Variants in PRAMEF20 observed in about 807,000 individuals in gnomAD.
PRAMEF20 encodes the protein PRAME family member 20/21.
Under a neutral mutation model 32.4 loss-of-function variants are expected in PRAMEF20, and 27 were observed. The ratio of observed to expected loss-of-function variants is 0.83; its 90% CI spans 0.61 to 1.15. The LOEUF (loss-of-function observed/expected upper bound fraction) is 1.15, where lower values mean the gene tolerates loss of function less well. Among genes scored for constraint, PRAMEF20 ranks in the 50% most tolerant of loss-of-function variants. PRAMEF20 has a pLI of 0.00. For synonymous variants in PRAMEF20, 256 were observed against 235.4 expected, an observed-to-expected ratio of 1.09 and a Z score of -0.80; for missense variants, 604 against 584.5, an observed-to-expected ratio of 1.03 and a Z score of -0.34.
rs1263021872 is a variant in PRAMEF20, at chr1:13,418,410, C to T, written c.576C>T (p.Phe192=). ...AGCTGAAAATGTTGGGAATGCTCTT[C>T]CACAATATCAGAAACATCCTGAAAA... The change falls in exon 2 of 3, where the codon TTC becomes TTT. Residue 192 remains phenylalanine, a synonymous_variant. Transcript: ENST00000602960. 5.6e-6 allele frequency: 9 copies of T among 1,613,890 alleles called. No homozygotes were observed. The Admixed American group carries it at 1.2e-4, about 21-fold the overall frequency.
chr1:13,418,639 C>T (rs1641209930), exon 2 of PRAMEF20: 2 of 1,613,864 alleles, frequency 1.2e-6, no homozygotes, highest in Admixed American at 3.3e-5. Flanking sequence ...GCTGCGCTGC[C>T]TCCAAAAGCT....
the PRAMEF20 span, among the ~76,000 whole-genome samples, chr1:13,410,897 G>A: frequency 6.6e-6 from 1 of 151,704 alleles, no homozygotes; most frequent in African/African-American, 2.4e-5. Context: ...TTGCTCTGTT[G>A]GCCAGGCTGC....
chr1:13,418,507 A>T, exon 2 of PRAMEF20: 1 of 1,613,890 alleles, frequency 6.2e-7, no homozygotes. Flanking sequence ...GGCAGAGTTT[A>T]CCCCATACCT....
chr1:13,420,566 A>G, intron 2 of PRAMEF20, 131 bp from the exon 4 acceptor site: 1 of 1,257,748 alleles, frequency 8.0e-7, no homozygotes, highest in South Asian at 1.3e-5. Flanking sequence ...CTAAGTGTTG[A>G]CTATCAGACA....
upstream of PRAMEF20, among the ~76,000 whole-genome samples, chr1:13,414,796 AAT>A (rs746676135): frequency 1.5e-4 from 22 of 151,022 alleles, no homozygotes; most frequent in Non-Finnish European, 2.8e-4. Flanking sequence ...CATTCTATGT[AAT>A]ATATATATAT....
chr1:13,420,918 A>G, exon 3 of PRAMEF20: 7 of 1,613,490 alleles, frequency 4.3e-6, no homozygotes, highest in Non-Finnish European at 5.9e-6. Context: ...GGCATCGTAG[A>G]CTCCCAAGTC....
chr1:13,419,382 C>T (rs1453240885), intron 2 of PRAMEF20, among the ~76,000 whole-genome samples: 2 of 151,914 alleles, frequency 1.3e-5, no homozygotes, highest in Non-Finnish European at 2.9e-5. Flanking sequence ...TTCCTGACCT[C>T]AGGTGATCCA....
chr1:13,416,579 A>G, exon 1 of PRAMEF20: 1 of 1,614,162 alleles, frequency 6.2e-7, no homozygotes, highest in Non-Finnish European at 8.5e-7. Context: ...GGCCTTGCCC[A>G]GAGACCTTCC....
intron 1 of PRAMEF20, among the ~76,000 whole-genome samples, chr1:13,417,567 C>A (rs1413809758): frequency 8.0e-5 from 12 of 150,608 alleles, no homozygotes; most frequent in Middle Eastern, 6.8e-3. Context: ...TGCGCCACTG[C>A]ACTCCAGCCT....
intron 2 of PRAMEF20, 76 bp downstream of exon 3, chr1:13,418,776 C>A: frequency 6.2e-7 from 1 of 1,605,162 alleles, no homozygotes. Context: ...TACTGTGAGC[C>A]AGCCTATGAG....
upstream of PRAMEF20, among the ~76,000 whole-genome samples, chr1:13,414,343 G>A (rs1333752270): frequency 6.6e-6 from 1 of 151,772 alleles, no homozygotes; most frequent in Non-Finnish European, 1.5e-5. Context: ...ACAGGCGTGA[G>A]CCACCTCACC....
At position 13,418,103 on chromosome 1, in the gene PRAMEF20, CTCT is replaced by C; in HGVS notation, c.288-15_288-13del. On this transcript the variant is annotated splice_polypyrimidine_tract_variant and intron_variant, in intron 1 of 2. Transcript: ENST00000602960. ...AAGTGAGTCCTTAAATTCTCAGCCT[CTCT>C]TCTATTTTTCCTCAGGAGGTGGAAA... 1 of 1,611,908 alleles carries C rather than the reference CTCT, an allele frequency of 6.2e-7. No homozygotes were observed. Among genetic ancestry groups the C allele is most frequent in the Non-Finnish European group, 8.5e-7 (1 of 1,179,846 alleles).
At chr1:13,416,504 G>A in exon 1 of PRAMEF20, 2 of 1,614,032 alleles carry the variant, frequency 1.2e-6, no homozygotes, top group Non-Finnish European at 1.7e-6. Flanking sequence ...GACACTGTGA[G>A]GCCCTGAAGC....
upstream of PRAMEF20, among the ~76,000 whole-genome samples, chr1:13,412,061 A>ATTT (rs1641120082): frequency 6.7e-6 from 1 of 149,928 alleles, no homozygotes; most frequent in African/African-American, 2.4e-5. Flanking sequence ...TAATTTAATT[A>ATTT]ATTTATTTAT....
rs1055814759 is a variant in PRAMEF20, at chr1:13,418,110, A to G, written c.288-12A>G. ...TCCTTAAATTCTCAGCCTCTCTTCT[A>G]TTTTTCCTCAGGAGGTGGAAACTTC... On this transcript the variant is annotated splice_polypyrimidine_tract_variant and intron_variant, in intron 1 of 2. Transcript: ENST00000602960. 443 of 1,611,734 alleles carry G rather than the reference A, an allele frequency of 2.7e-4. 2 individuals are homozygous for G. The highest frequency in any genetic ancestry group is 2.6e-4 in the Non-Finnish European group (305 of 1,179,774).
At chr1:13,413,173 T>A (rs1443534832), upstream of PRAMEF20, among the ~76,000 whole-genome samples, 1 of 151,560 alleles carries the variant, frequency 6.6e-6, no homozygotes, top group Admixed American at 6.5e-5. Context: ...GAAGGACATA[T>A]ATTAGTAAAA....
At chr1:13,416,465 C>T (rs1641173887) in exon 1 of PRAMEF20, 11 of 1,613,940 alleles carry the variant, frequency 6.8e-6, no homozygotes, top group Non-Finnish European at 9.3e-6. Context: ...AACTTTTTCC[C>T]CCATTGTTCA....
chr1:13,421,310 A>C (rs2100440645), exon 3 of PRAMEF20: 1 of 1,612,782 alleles, frequency 6.2e-7, no homozygotes, highest in East Asian at 2.2e-5. Flanking sequence ...GAACACTTGA[A>C]AACTAAAACC....
chr1:13,410,885 T>A, the PRAMEF20 span, among the ~76,000 whole-genome samples: 4 of 151,540 alleles, frequency 2.6e-5, no homozygotes, highest in East Asian at 7.8e-4. Flanking sequence ...GGGGATAGAG[T>A]CTTGCTCTGT....
Sources: allele counts gnomAD v4.1 joint callset (sites outside exome capture counted in the v4.1 genomes callset), GRCh38; gene constraint gnomAD v4.1.1; transcripts MANE v1.5; gene names NCBI Gene and HGNC (gene_info 2026-07-23, HGNC 2026-07-21).